The following PTPRN2 variants were observed in gnomAD, a reference collection of about 807,000 sequenced individuals.
The protein encoded by PTPRN2 is receptor-type tyrosine-protein phosphatase N2.
Under a neutral mutation model 118.8 loss-of-function variants are expected in PTPRN2, and 74 were observed. The observed-to-expected ratio is 0.62, with a 90% CI of 0.52 to 0.76. PTPRN2 has a LOEUF of 0.76. PTPRN2 is among the 30% of genes least tolerant of loss of function. The pLI is 0.00. For missense variants in PTPRN2, 1,481 were observed against 1,394.4 expected, an observed-to-expected ratio of 1.06 and a Z score of -0.99; for synonymous variants, 641 against 608.0, an observed-to-expected ratio of 1.05 and a Z score of -0.80.
chr7:158,288,296 T>C (rs1232146428), intron 3 of PTPRN2, among the ~76,000 whole-genome samples: 1 of 152,198 alleles, frequency 6.6e-6, no homozygotes, highest in Non-Finnish European at 1.5e-5. Flanking sequence ...ACAGTAATTA[T>C]TGACAGGCAG....
intron 11 of PTPRN2, among the ~76,000 whole-genome samples, chr7:157,907,417 CCGGG>C (rs1797836508): frequency 6.8e-6 from 1 of 147,202 alleles, no homozygotes; most frequent in African/African-American, 2.5e-5. Flanking sequence ...GTGGGGTGTC[CCGGG>C]TGGCAGTATC....
chr7:158,203,187 G>A (rs954844206), intron 4 of PTPRN2, among the ~76,000 whole-genome samples: 6 of 127,878 alleles, frequency 4.7e-5, no homozygotes, highest in African/African-American at 1.2e-4. Flanking sequence ...AGCCAAGATC[G>A]TGCCACTGCA....
intron 2 of PTPRN2, among the ~76,000 whole-genome samples, chr7:158,340,423 A>T (rs75317516): frequency 5.4e-4 from 10 of 18,394 alleles, no homozygotes; most frequent in Admixed American, 7.3e-4. Flanking sequence ...TCACTCACAC[A>T]CACACTCTCA....
At chr7:158,186,597 G>A (rs1293354245) in intron 5 of PTPRN2, among the ~76,000 whole-genome samples, 2 of 148,004 alleles carry the variant, frequency 1.4e-5, no homozygotes, top group Admixed American at 1.4e-4. Context: ...TGGCATGAAC[G>A]CACCTGGGCC....
chr7:157,680,004 C>T (rs1324098562), intron 13 of PTPRN2, among the ~76,000 whole-genome samples: 1 of 152,190 alleles, frequency 6.6e-6, no homozygotes, highest in Non-Finnish European at 1.5e-5. Flanking sequence ...ACCTTCCTTT[C>T]CCCAGGTAAG....
At chr7:157,909,535 C>T (rs1338055784) in intron 11 of PTPRN2, among the ~76,000 whole-genome samples, 1 of 152,266 alleles carries the variant, frequency 6.6e-6, no homozygotes, top group East Asian at 1.9e-4. Flanking sequence ...GCCCTGACAT[C>T]ACCTCCAACA....
intron 11 of PTPRN2, among the ~76,000 whole-genome samples, chr7:157,979,369 C>G (rs1426693052): frequency 6.6e-6 from 1 of 152,146 alleles, no homozygotes; most frequent in Admixed American, 6.5e-5. Flanking sequence ...GAAAAACCAC[C>G]AAAGTTAAGA....
intron 12 of PTPRN2, among the ~76,000 whole-genome samples, chr7:157,686,138 C>T (rs1336826205): frequency 6.6e-6 from 1 of 152,170 alleles, no homozygotes; most frequent in African/African-American, 2.4e-5. Context: ...TGGGGTCCAC[C>T]GGCCTGACAC....
At chr7:157,938,375 C>T (rs1371678578) in intron 11 of PTPRN2, among the ~76,000 whole-genome samples, 1 of 152,218 alleles carries the variant, frequency 6.6e-6, no homozygotes, top group African/African-American at 2.4e-5. Flanking sequence ...TGCTTCTGCC[C>T]TGGGGATCCT....
intron 2 of PTPRN2, among the ~76,000 whole-genome samples, chr7:158,410,603 C>T (rs957938717): frequency 3.9e-5 from 6 of 152,182 alleles, no homozygotes; most frequent in South Asian, 2.1e-4. Context: ...TCCCCAACTT[C>T]GGTAAAGTGA....
chr7:158,007,213 G>A (rs1402853366), intron 11 of PTPRN2, among the ~76,000 whole-genome samples: 1 of 152,198 alleles, frequency 6.6e-6, no homozygotes, highest in African/African-American at 2.4e-5. Flanking sequence ...GCCTTATGCG[G>A]CCCCGGGTGT....
chr7:158,151,518 C>CACCTGCCTTTCTATTCCTGCCTCTCCCT (rs1563522319), intron 6 of PTPRN2, among the ~76,000 whole-genome samples: 3 of 58,478 alleles, frequency 5.1e-5, no homozygotes, highest in Non-Finnish European at 8.4e-5. Context: ...TGCTCCTCAC[C>CACCTGCCTTTCTATTCCTGCCTCTCCCT]GCACGTCCTA....
At chr7:158,277,650 G>A (rs902944687) in intron 3 of PTPRN2, among the ~76,000 whole-genome samples, 1 of 152,222 alleles carries the variant, frequency 6.6e-6, no homozygotes, top group African/African-American at 2.4e-5. Context: ...CGCAGGGGCT[G>A]GGACATATAG....
At chr7:158,564,507 T>C (rs1827560892) in intron 1 of PTPRN2, among the ~76,000 whole-genome samples, 1 of 152,246 alleles carries the variant, frequency 6.6e-6, no homozygotes, top group South Asian at 2.1e-4. Flanking sequence ...GCCATCCCAG[T>C]GCTCCTGAAG....
chr7:158,300,275 G>T (rs1182164126), intron 3 of PTPRN2, among the ~76,000 whole-genome samples: 1 of 152,128 alleles, frequency 6.6e-6, no homozygotes, highest in Admixed American at 6.5e-5. Flanking sequence ...TCTACCCCTA[G>T]CCCTTGGAGT....
At chr7:157,786,678 G>A (rs372632238) in intron 12 of PTPRN2, among the ~76,000 whole-genome samples, 10 of 152,370 alleles carry the variant, frequency 6.6e-5, no homozygotes, top group East Asian at 3.9e-4. Flanking sequence ...GGCCACATCC[G>A]TGCAGAAAGC....
At chr7:158,061,712 C>T (rs947495492) in intron 11 of PTPRN2, among the ~76,000 whole-genome samples, 5 of 152,196 alleles carry the variant, frequency 3.3e-5, no homozygotes, top group Non-Finnish European at 4.4e-5. Context: ...CCTTCATCAC[C>T]GGTCCCCAGG....
chr7:157,956,853 T>C (rs1282999332), intron 11 of PTPRN2, among the ~76,000 whole-genome samples: 4 of 152,248 alleles, frequency 2.6e-5, no homozygotes, highest in Admixed American at 2.6e-4. Flanking sequence ...TAATTCATGT[T>C]TGGAATTTAC....
chr7:158,133,951 A>G lies in PTPRN2; in HGVS notation c.1282T>C (p.Ser428Pro), dbSNP rs1818596388. 1.9e-6 allele frequency: 3 copies of G among 1,613,840 alleles called. No homozygotes were observed. The African/African-American group carries it at 4.0e-5, about 22-fold the overall frequency. Residue 428 changes from serine to proline, a missense_variant, in exon 9 of 23, where the codon TCC becomes CCC. Coordinates refer to ENST00000389418, the MANE Select transcript of PTPRN2 (RefSeq NM_002847.5). ...ARPLDMERKK[S>P]EHPESSLSSE... ...GACAGGGAAGACTCAGGGTGCTCGG[A>G]CTTCTTCCTCTCCATGTCGAGGGGC... is the stretch of plus-strand genomic sequence containing the variant.
Sources: allele counts gnomAD v4.1 joint callset (sites outside exome capture counted in the v4.1 genomes callset), GRCh38; gene constraint gnomAD v4.1.1; transcripts MANE v1.5; gene names NCBI Gene and HGNC (gene_info 2026-07-23, HGNC 2026-07-21).